Variants in SLC9A9 observed in about 807,000 individuals in gnomAD.
SLC9A9 encodes solute carrier family 9 member A9.
In SLC9A9, 62 loss-of-function variants were observed where a neutral mutation model predicts 77.8. That is an observed-to-expected ratio of 0.80 (90% CI 0.65 to 0.98). SLC9A9 has a LOEUF of 0.98. SLC9A9 is among the 50% of genes least tolerant of loss of function. The pLI, the probability that SLC9A9 is intolerant of heterozygous loss-of-function variation, is 0.00. For missense variants in SLC9A9, 775 were observed against 774.9 expected (o/e 1.00, Z 0.00); for synonymous variants, 320 against 283.5 (o/e 1.13, Z -1.29).
intron 14 of SLC9A9, among the ~76,000 whole-genome samples, chr3:143,359,229 T>C (rs1434924523): frequency 1.3e-5 from 2 of 152,198 alleles, no homozygotes; most frequent in Admixed American, 6.5e-5. Context: ...CAAATATTTA[T>C]TGAGTGTCCA....
intron 5 of SLC9A9, among the ~76,000 whole-genome samples, chr3:143,665,132 T>G (rs891324268): frequency 3.3e-5 from 5 of 152,200 alleles, no homozygotes; most frequent in African/African-American, 1.2e-4. Flanking sequence ...TATAACAAAC[T>G]GTTTCTTAGA....
Position 143,266,427 on chromosome 3 carries a change from C to T in SLC9A9, c.*275G>A. 2 of 553,154 alleles carry T rather than the reference C, an allele frequency of 3.6e-6. No individual in the cohort carries two copies. The highest frequency in any genetic ancestry group is 3.2e-5 in the East Asian group (1 of 31,532). The allele number at this position is 553,154 out of a possible 1,614,324, so 34.3% of individuals were successfully genotyped here. On this transcript the variant is annotated 3_prime_UTR_variant, in exon 16 of 16. Coordinates refer to ENST00000316549, the MANE Select transcript of SLC9A9 (RefSeq NM_173653.4). ...CCAGCACAGCTGTCCCATCCTCCAGCAGCTAGACTCCTGATACCTCCATCC... is the reference window on the plus strand; with the variant it reads ...CCAGCACAGCTGTCCCATCCTCCAGTAGCTAGACTCCTGATACCTCCATCC...
intron 2 of SLC9A9, among the ~76,000 whole-genome samples, chr3:143,827,733 G>A (rs914879815): frequency 1.3e-5 from 2 of 152,164 alleles, no homozygotes; most frequent in Admixed American, 1.3e-4. Context: ...CCTGAAGTCA[G>A]AAATTTCATC....
chr3:143,775,547 A>G (rs2007661524), intron 4 of SLC9A9, among the ~76,000 whole-genome samples: 1 of 152,232 alleles, frequency 6.6e-6, no homozygotes, highest in Admixed American at 6.5e-5. Flanking sequence ...TGTGATTTAT[A>G]AATTTTCCCA....
chr3:143,744,147 AT>A, intron 4 of SLC9A9, among the ~76,000 whole-genome samples: 1 of 152,324 alleles, frequency 6.6e-6, no homozygotes, highest in South Asian at 2.1e-4. Context: ...ACAGTCCAGA[AT>A]TTTTAGTGCC....
At chr3:143,379,853 C>A (rs1270884564) in intron 13 of SLC9A9, among the ~76,000 whole-genome samples, 1 of 152,090 alleles carries the variant, frequency 6.6e-6, no homozygotes, top group Non-Finnish European at 1.5e-5. Flanking sequence ...ATTCTTTATA[C>A]CCCTCTGGTT....
intron 6 of SLC9A9, among the ~76,000 whole-genome samples, chr3:143,623,860 A>G (rs2038267332): frequency 1.3e-5 from 2 of 152,186 alleles, no homozygotes; most frequent in Non-Finnish European, 2.9e-5. Context: ...AAATTGACAG[A>G]CCGCTAGTAA....
At chr3:143,725,220 A>C (rs1934608620) in intron 4 of SLC9A9, among the ~76,000 whole-genome samples, 2 of 152,172 alleles carry the variant, frequency 1.3e-5, no homozygotes, top group South Asian at 4.1e-4. Context: ...GGCAATCATT[A>C]AAAAGTCAGG....
chr3:143,609,610 C>A (rs1328374903), intron 6 of SLC9A9, among the ~76,000 whole-genome samples: 1 of 152,160 alleles, frequency 6.6e-6, no homozygotes, highest in African/African-American at 2.4e-5. Flanking sequence ...CCAAGTCCCA[C>A]TTCCAGACCT....
At chr3:143,811,091 A>C (rs1295802667) in intron 2 of SLC9A9, among the ~76,000 whole-genome samples, 1 of 152,234 alleles carries the variant, frequency 6.6e-6, no homozygotes, top group Non-Finnish European at 1.5e-5. Context: ...AGTTCCCCAA[A>C]CCACAGAGAA....
intron 4 of SLC9A9, among the ~76,000 whole-genome samples, chr3:143,708,193 T>C (rs1934044378): frequency 6.6e-6 from 1 of 152,200 alleles, no homozygotes; most frequent in African/African-American, 2.4e-5. Flanking sequence ...CTCGGCATCC[T>C]GATTGTGTGT....
At chr3:143,453,331 A>C (rs1306599096) in intron 12 of SLC9A9, among the ~76,000 whole-genome samples, 1 of 152,130 alleles carries the variant, frequency 6.6e-6, no homozygotes, top group African/African-American at 2.4e-5. Flanking sequence ...AAAAATGGAA[A>C]AGCCTTTAGT....
chr3:143,629,677 T>C (rs149270991), intron 6 of SLC9A9, among the ~76,000 whole-genome samples: 203 of 152,078 alleles, frequency 1.3e-3, no homozygotes, highest in African/African-American at 4.6e-3. Flanking sequence ...TCCATTTAAA[T>C]TGACATTTGA....
intron 9 of SLC9A9, among the ~76,000 whole-genome samples, chr3:143,547,014 T>C (rs1378777804): frequency 6.6e-6 from 1 of 152,182 alleles, no homozygotes; most frequent in African/African-American, 2.4e-5. Context: ...ATTTTCTTCA[T>C]CTTACTTGAA....
intron 8 of SLC9A9, among the ~76,000 whole-genome samples, chr3:143,572,537 T>A (rs768563286): frequency 6.6e-5 from 10 of 152,216 alleles, no homozygotes; most frequent in Non-Finnish European, 1.2e-4. Context: ...CCTACATTAT[T>A]TCACTGAAGG....
chr3:143,823,466 A>G (rs1041869759), intron 2 of SLC9A9, among the ~76,000 whole-genome samples: 3 of 152,198 alleles, frequency 2.0e-5, no homozygotes, highest in African/African-American at 7.2e-5. Flanking sequence ...CCAACAGCCC[A>G]TGCACATACT....
chr3:143,746,618 A>T (rs183836635), intron 4 of SLC9A9, among the ~76,000 whole-genome samples: 57 of 152,290 alleles, frequency 3.7e-4, no homozygotes, highest in Admixed American at 6.5e-4. Context: ...TCTATCTCAC[A>T]TCCTCAGGAA....
At chr3:143,768,950 G>T (rs562506262) in intron 4 of SLC9A9, among the ~76,000 whole-genome samples, 2 of 152,276 alleles carry the variant, frequency 1.3e-5, no homozygotes, top group East Asian at 3.9e-4. Context: ...GTTAAGCATG[G>T]CATAGTGTTT....
intron 6 of SLC9A9, among the ~76,000 whole-genome samples, chr3:143,580,516 G>T (rs113330063): frequency 0.085 from 12,990 of 152,090 alleles, 647 homozygotes; most frequent in Middle Eastern, 0.2. Flanking sequence ...ATTTATGTAC[G>T]TTTTTCTTTA....
Sources: gnomAD v4.1 joint callset for allele counts (sites outside exome capture counted in the v4.1 genomes callset) on GRCh38, gnomAD v4.1.1 for gene constraint, MANE v1.5 for transcripts, NCBI Gene and HGNC (gene_info 2026-07-23, HGNC 2026-07-21) for gene names.